The following TBC1D1 variants were observed in gnomAD, a reference collection of about 807,000 sequenced individuals.
The protein encoded by TBC1D1 is TBC1 (tre-2/USP6, BUB2, cdc16) domain family, member 1.
Under a neutral mutation model 125.6 loss-of-function variants are expected in TBC1D1, and 89 were observed. That is an observed-to-expected ratio of 0.71 (90% CI 0.60 to 0.85). TBC1D1 has a LOEUF of 0.85. Ranked by LOEUF, TBC1D1 falls within the 40% of genes least tolerant of loss-of-function variation. The pLI, the probability that TBC1D1 is intolerant of heterozygous loss-of-function variation, is 0.00. For synonymous variants in TBC1D1, 565 were observed against 564.1 expected (o/e 1.00, Z -0.02); for missense variants, 1,377 against 1,469.2 (o/e 0.94, Z 1.03).
chr4:37,964,843 T>G (rs1378542527), intron 2 of TBC1D1, among the ~76,000 whole-genome samples: 1 of 152,240 alleles, frequency 6.6e-6, no homozygotes, highest in Non-Finnish European at 1.5e-5. Context: ...TAGCATCAGC[T>G]CTGTCCCCAG....
chr4:37,968,493 T>C (rs1488094325), intron 2 of TBC1D1, among the ~76,000 whole-genome samples: 1 of 152,236 alleles, frequency 6.6e-6, no homozygotes, highest in Non-Finnish European at 1.5e-5. Flanking sequence ...AATCAAAACA[T>C]AAAATTAGAG....
intron 18 of TBC1D1, among the ~76,000 whole-genome samples, chr4:38,130,229 G>A (rs1326795679): frequency 6.6e-6 from 1 of 152,144 alleles, no homozygotes; most frequent in East Asian, 1.9e-4. Context: ...GTTAAGTAAA[G>A]GAAAAGTGGG....
rs74472000 is a variant in TBC1D1, at chr4:38,121,713, T to C, written c.2963-3249T>C. Reference sequence around the variant, plus strand: ...ATTGTTTTTTTGTTTTGTTTTGTTTTGTTTTGTTTTAAAAAATTCCAGAAT... The same window carrying C: ...ATTGTTTTTTTGTTTTGTTTTGTTTCGTTTTGTTTTAAAAAATTCCAGAAT... On this transcript the variant is annotated intron_variant, in intron 17 of 19. Transcript: ENST00000261439. Among the ~76,000 whole-genome samples, 1,342 of 152,320 alleles carry C rather than the reference T, an allele frequency of 8.8e-3. 16 individuals carry two copies. Among genetic ancestry groups the C allele is most frequent in the African/African-American group, 0.03 (1,247 of 41,564 alleles).
intron 19 of TBC1D1, among the ~76,000 whole-genome samples, chr4:38,135,501 C>T (rs529837163): frequency 8.5e-5 from 13 of 152,342 alleles, no homozygotes; most frequent in African/African-American, 2.9e-4. Flanking sequence ...TTGAGGAGAC[C>T]TGACATTAAT....
intron 2 of TBC1D1, among the ~76,000 whole-genome samples, chr4:37,926,917 G>A (rs1002149267): frequency 1.3e-5 from 2 of 152,182 alleles, no homozygotes; most frequent in African/African-American, 4.8e-5. Context: ...AGGAGTTCAA[G>A]ATCACTCTGG....
At chr4:38,084,195 A>G (rs1290922076) in intron 12 of TBC1D1, among the ~76,000 whole-genome samples, 2 of 152,166 alleles carry the variant, frequency 1.3e-5, no homozygotes, top group African/African-American at 4.8e-5. Flanking sequence ...CGGCCTCCCA[A>G]AGTGCTGGGA....
chr4:37,999,143 G>A (rs1348628397), intron 2 of TBC1D1, among the ~76,000 whole-genome samples: 3 of 152,140 alleles, frequency 2.0e-5, no homozygotes, highest in Non-Finnish European at 4.4e-5. Flanking sequence ...CAGCTACTCT[G>A]GAGGCTGAAG....
chr4:38,009,452 C>T (rs1741019649), intron 2 of TBC1D1, among the ~76,000 whole-genome samples: 2 of 152,166 alleles, frequency 1.3e-5, no homozygotes, highest in Admixed American at 1.3e-4. Context: ...AGTAAAATGA[C>T]TTTTTATTCT....
At chr4:38,001,357 G>T (rs955966506) in intron 2 of TBC1D1, among the ~76,000 whole-genome samples, 1 of 152,180 alleles carries the variant, frequency 6.6e-6, no homozygotes, top group Non-Finnish European at 1.5e-5. Flanking sequence ...GCAACACCTC[G>T]ATAAGTTCAT....
At chr4:37,939,259 C>T (rs190747378) in intron 2 of TBC1D1, among the ~76,000 whole-genome samples, 87 of 152,280 alleles carry the variant, frequency 5.7e-4, no homozygotes, top group African/African-American at 1.8e-3. Context: ...TTTTGATTTG[C>T]GTTTCTCTGA....
At chr4:37,897,462 T>C (rs764153436) in intron 1 of TBC1D1, among the ~76,000 whole-genome samples, 2 of 152,188 alleles carry the variant, frequency 1.3e-5, no homozygotes, top group Non-Finnish European at 2.9e-5. Context: ...AGTGCTAAGG[T>C]CTAATCTACT....
At chr4:38,130,162 G>A (rs566967780) in intron 18 of TBC1D1, among the ~76,000 whole-genome samples, 2 of 152,304 alleles carry the variant, frequency 1.3e-5, no homozygotes, top group African/African-American at 4.8e-5. Flanking sequence ...TGAGCTGGTA[G>A]AATATCATGA....
chr4:38,011,294 A>G (rs1208028674), intron 2 of TBC1D1, among the ~76,000 whole-genome samples: 4 of 151,386 alleles, frequency 2.6e-5, no homozygotes. Context: ...CAGAGGTTGC[A>G]GTGAGCTGAG....
rs1762882616 is a variant in TBC1D1 at position 38,115,762 on chromosome 4, G to A, written c.2610G>A (p.Gln870=). 1 of 1,614,050 alleles carries A rather than the reference G, an allele frequency of 6.2e-7. No individual in the cohort carries two copies. The highest frequency in any genetic ancestry group is 1.3e-5 in the African/African-American group (1 of 74,928). ...TCTCTGCCCAGCTTGGAGCAGGACA[G>A]CTATCGCTTTACAACATTTTGAAGG... Residue 870 remains glutamine (Q), a synonymous_variant, in exon 16 of 20, where the codon CAG becomes CAA. Coordinates refer to ENST00000261439, the MANE Select transcript of TBC1D1 (RefSeq NM_015173.4).
intron 6 of TBC1D1, among the ~76,000 whole-genome samples, chr4:38,027,078 G>A (rs956594687): frequency 4.6e-5 from 7 of 152,308 alleles, no homozygotes; most frequent in African/African-American, 7.2e-5. Context: ...TTCTGATTAC[G>A]TGAGGTGTTT....
intron 12 of TBC1D1, among the ~76,000 whole-genome samples, chr4:38,063,392 T>A (rs1753112457): frequency 1.3e-5 from 2 of 152,174 alleles, no homozygotes; most frequent in Admixed American, 1.3e-4. Context: ...TGGTCCTCTG[T>A]GTACCCTATT....
At chr4:37,897,886 T>A (rs1714991955) in intron 1 of TBC1D1, among the ~76,000 whole-genome samples, 1 of 152,234 alleles carries the variant, frequency 6.6e-6, no homozygotes, top group Admixed American at 6.5e-5. Context: ...GATCATTATT[T>A]ATGGGATTAT....
chr4:38,112,403 C>T (rs1430055227), intron 15 of TBC1D1, among the ~76,000 whole-genome samples: 1 of 152,102 alleles, frequency 6.6e-6, no homozygotes, highest in African/African-American at 2.4e-5. Flanking sequence ...TAAGTGTGCC[C>T]TTTTGTCCTC....
intron 2 of TBC1D1, among the ~76,000 whole-genome samples, chr4:37,967,312 T>C (rs772204779): frequency 5.3e-5 from 8 of 152,022 alleles, no homozygotes; most frequent in Non-Finnish European, 8.8e-5. Flanking sequence ...CTGGGCAACA[T>C]GGTGAAACCC....
Sources: allele counts gnomAD v4.1 joint callset (sites outside exome capture counted in the v4.1 genomes callset), GRCh38; gene constraint gnomAD v4.1.1; transcripts MANE v1.5; gene names NCBI Gene and HGNC (gene_info 2026-07-23, HGNC 2026-07-21).